Variants in ZNF675 observed in about 807,000 individuals in gnomAD.
ZNF675 encodes zinc finger protein 675, also known as TRAF6 inhibitory zinc finger.
ZNF675 carries 36 observed loss-of-function variants against 56.1 expected under a neutral mutation model. The observed-to-expected ratio is 0.64, with a 90% confidence interval of 0.49 to 0.85. The LOEUF (loss-of-function observed/expected upper bound fraction) is 0.85, where lower values mean the gene tolerates loss of function less well. Ranked by LOEUF, ZNF675 falls within the 40% of genes least tolerant of loss-of-function variation. ZNF675 has a pLI of 0.00. For missense variants in ZNF675, 663 were observed against 654.2 expected (o/e 1.01, Z -0.15); for synonymous variants, 200 against 218.9 (o/e 0.91, Z 0.76).
chr19:23,654,848 A>G, intron 3 of ZNF675, 142 bp from the exon 4 acceptor site: 1 of 545,016 alleles, frequency 1.8e-6, no homozygotes, highest in Non-Finnish European at 3.0e-6. Context: ...CCAGGTGAGC[A>G]CAATGCAAAG....
intron 1 of ZNF675, among the ~76,000 whole-genome samples, chr19:23,669,601 T>C (rs4932892): frequency 0.97 from 147,989 of 152,136 alleles, 72,119 homozygotes; most frequent in Middle Eastern, 1. Flanking sequence ...AGTCCGGGCG[T>C]GGTGGCTCAT....
intron 1 of ZNF675, among the ~76,000 whole-genome samples, chr19:23,667,907 C>A (rs1167621054): frequency 7.0e-6 from 1 of 142,176 alleles, no homozygotes; most frequent in Non-Finnish European, 1.5e-5. Flanking sequence ...GAGCTAGATA[C>A]AGAGTGCCGA....
At chr19:23,680,794 A>G (rs1323073383) in intron 1 of ZNF675, among the ~76,000 whole-genome samples, 2 of 151,640 alleles carry the variant, frequency 1.3e-5, no homozygotes, top group Non-Finnish European at 2.9e-5. Flanking sequence ...GAGCTAAATA[A>G]TAAGAACACA....
intron 1 of ZNF675, among the ~76,000 whole-genome samples, chr19:23,664,555 C>A (rs1968124129): frequency 6.6e-6 from 1 of 152,148 alleles, no homozygotes; most frequent in African/African-American, 2.4e-5. Flanking sequence ...CAGAACCAGC[C>A]CTTTGACCAT....
At chr19:23,666,816 C>G (rs73568852) in intron 1 of ZNF675, among the ~76,000 whole-genome samples, 1 of 151,470 alleles carries the variant, frequency 6.6e-6, no homozygotes, top group Admixed American at 6.6e-5. Flanking sequence ...TCCCCTCCCC[C>G]CAACCCAGGG....
intron 1 of ZNF675, among the ~76,000 whole-genome samples, chr19:23,669,278 CAT>C (rs1343965802): frequency 2.7e-5 from 4 of 150,732 alleles, no homozygotes; most frequent in African/African-American, 7.3e-5. Flanking sequence ...CTTATCCCTA[CAT>C]ATGACACCGT....
Position 23,654,682 on chromosome 19 carries a change from T to G in ZNF675, c.251A>C (p.Glu84Ala). The change falls in exon 4 of 4, where the codon GAG becomes GCG. Residue 84 changes from glutamate (E) to alanine (A), a missense_variant. Coordinates refer to ENST00000359788, the MANE Select transcript of ZNF675 (RefSeq NM_138330.3). Reference sequence around the variant, plus strand: ...TTTTATGTTCTGCTCTGGCCAAAACTCTTGGGCAAAATGAGAACACATTAC... The same window carrying G: ...TTTTATGTTCTGCTCTGGCCAAAACGCTTGGGCAAAATGAGAACACATTAC... ...PPVMCSHFAQ[E>A]FWPEQNIKDS... 1.3e-6 allele frequency: 2 copies of G among 1,545,580 alleles called. No individual in the cohort carries two copies. The highest frequency in any genetic ancestry group is 2.8e-5 in the African/African-American group (2 of 72,542).
intron 1 of ZNF675, among the ~76,000 whole-genome samples, chr19:23,678,873 AT>A (rs1475780045): frequency 6.6e-6 from 1 of 151,682 alleles, no homozygotes; most frequent in Non-Finnish European, 1.5e-5. Flanking sequence ...TAATGTAAAC[AT>A]TTAAATTTCT....
At chr19:23,675,307 A>G (rs573653430) in intron 1 of ZNF675, among the ~76,000 whole-genome samples, 4 of 143,002 alleles carry the variant, frequency 2.8e-5, no homozygotes, top group East Asian at 4.1e-4. Flanking sequence ...ACTGAGGCAG[A>G]AAAATTAACA....
intron 1 of ZNF675, among the ~76,000 whole-genome samples, chr19:23,684,261 C>CAAAA (rs60512603): frequency 8.9e-6 from 1 of 112,692 alleles, no homozygotes; most frequent in African/African-American, 3.4e-5. Flanking sequence ...GACTCCGTCT[C>CAAAA]AAAAAAAAAA....
intron 3 of ZNF675, chr19:23,657,183 G>A (rs2040297429): frequency 6.6e-6 from 1 of 152,402 alleles, no homozygotes; most frequent in South Asian, 1.9e-4. Flanking sequence ...CAATTCTCCT[G>A]CCTTGGCCTC....
At chr19:23,682,706 T>A (rs1340312912) in intron 1 of ZNF675, among the ~76,000 whole-genome samples, 2 of 151,664 alleles carry the variant, frequency 1.3e-5, no homozygotes, top group Non-Finnish European at 2.9e-5. Flanking sequence ...AAGCTTTAAT[T>A]TTCATGTCTG....
At chr19:23,659,025 A>C in intron 3 of ZNF675, among the ~76,000 whole-genome samples, 1 of 147,486 alleles carries the variant, frequency 6.8e-6, no homozygotes, top group South Asian at 2.1e-4. Context: ...AAATATATAA[A>C]AATATATATA....
In ZNF675 at chr19:23,654,086, G is replaced by C; in HGVS notation, c.847C>G (p.Pro283Ala). The C allele has an allele frequency of 6.2e-7, 1 of 1,613,830 alleles. No homozygotes were observed. The highest frequency in any genetic ancestry group is 8.5e-7 in the Non-Finnish European group (1 of 1,180,006). The change falls in exon 4 of 4, where the codon CCC (proline) becomes GCC (alanine). Residue 283 changes from proline (P) to alanine (A), a missense_variant. Pro to Ala is a conservative substitution (Grantham distance 27, BLOSUM62 -1). This residue lies in a region of ZNF675 where 617 missense variants were observed against 590.5 expected (regional missense o/e 1.04). Transcript: ENST00000359788. Reference sequence around the variant, plus strand: ...TTGCCACATTCTTCACATTTGTAGGGTTTCTCTCCTGTATGAATTATCTTA... The same window carrying C: ...TTGCCACATTCTTCACATTTGTAGGCTTTCTCTCCTGTATGAATTATCTTA... ...THKIIHTGEK[P>A]YKCEECGKAF...
At chr19:23,686,578 G>A (rs1001760733) in intron 1 of ZNF675, among the ~76,000 whole-genome samples, 2 of 151,976 alleles carry the variant, frequency 1.3e-5, no homozygotes, top group Admixed American at 1.3e-4. Context: ...CACCCACCTC[G>A]GTCTCCCAAA....
chr19:23,662,825 C>CA (rs571343823), intron 2 of ZNF675, among the ~76,000 whole-genome samples: 17 of 150,482 alleles, frequency 1.1e-4, no homozygotes, highest in South Asian at 2.1e-4. Flanking sequence ...ACCAAAAATA[C>CA]AAAAAAAAAT....
chr19:23,679,916 G>A lies in ZNF675; in HGVS notation c.3+7115C>T, dbSNP rs369887986. Among the ~76,000 whole-genome samples, 31 of 151,396 alleles carry A rather than the reference G, an allele frequency of 2.0e-4. 2 individuals carry two copies. The highest frequency in any genetic ancestry group is 7.6e-4 in the African/African-American group (31 of 40,864). ...GAGGCAGAAGAATCACTTGAATCAG[G>A]GAGGCAGAGGTTGTGGTGAGCCGAG... On this transcript the variant is annotated intron_variant, in intron 1 of 3. Coordinates refer to ENST00000359788, the MANE Select transcript of ZNF675 (RefSeq NM_138330.3).
At chr19:23,674,032 G>A (rs1212436961) in intron 1 of ZNF675, among the ~76,000 whole-genome samples, 2 of 149,962 alleles carry the variant, frequency 1.3e-5, no homozygotes, top group Admixed American at 6.6e-5. Context: ...GTGAAACACT[G>A]TCTCTACTAA....
chr19:23,680,717 G>T (rs983701320), intron 1 of ZNF675, among the ~76,000 whole-genome samples: 1 of 151,746 alleles, frequency 6.6e-6, no homozygotes, highest in Admixed American at 6.6e-5. Context: ...TCGTGCCACT[G>T]CACTCCAGCC....
Sources: gnomAD v4.1 joint callset for allele counts (sites outside exome capture counted in the v4.1 genomes callset) on GRCh38, gnomAD v4.1.1 for gene constraint, gnomAD v4.1.1 regional missense constraint, MANE v1.5 for transcripts, NCBI Gene and HGNC (gene_info 2026-07-23, HGNC 2026-07-21) for gene names.